KLHDC4: variants seen among roughly 807,000 people sequenced by gnomAD.
The protein encoded by KLHDC4 is kelch domain-containing protein 4.
In KLHDC4, 90 loss-of-function variants were observed where a neutral mutation model predicts 62.4. That is an observed-to-expected ratio of 1.44 (90% confidence interval 1.22 to 1.72). KLHDC4 has a LOEUF of 1.72. Ranked by LOEUF, KLHDC4 falls within the 40% of genes most tolerant of loss-of-function variation. The pLI, the probability that KLHDC4 is intolerant of heterozygous loss-of-function variation, is 0.00. For missense variants in KLHDC4, 1,025 were observed against 699.7 expected (o/e 1.47, Z -5.25); for synonymous variants, 386 against 284.4 (o/e 1.36, Z -3.59).
chr16:87,733,311 A>C (rs536715706), intron 5 of KLHDC4, among the ~76,000 whole-genome samples: 60 of 152,354 alleles, frequency 3.9e-4, no homozygotes, highest in Non-Finnish European at 7.3e-4. Context: ...GAGGAGCAAC[A>C]AAACAGACAG....
At chr16:87,721,354 C>T (rs952936581) in intron 7 of KLHDC4, among the ~76,000 whole-genome samples, 4 of 146,122 alleles carry the variant, frequency 2.7e-5, no homozygotes, top group African/African-American at 7.7e-5. Context: ...GTGGAGCTTG[C>T]AGTGCGCCGA....
intron 3 of KLHDC4, chr16:87,755,604 T>C (rs2044752105): frequency 4.0e-6 from 1 of 247,702 alleles, no homozygotes; most frequent in South Asian, 4.7e-5. Context: ...AGTCTCGCTG[T>C]TGCCCACAAT....
At chr16:87,699,285 G>C (rs966118842) in exon 1 of KLHDC4, 19 of 152,416 alleles carry the variant, frequency 1.2e-4, no homozygotes, top group African/African-American at 4.6e-4. Flanking sequence ...AACTGAAACA[G>C]TCTCTTTATC....
intron 4 of KLHDC4, among the ~76,000 whole-genome samples, chr16:87,749,856 A>G (rs2043645010): frequency 6.6e-6 from 1 of 152,138 alleles, no homozygotes; most frequent in Non-Finnish European, 1.5e-5. Flanking sequence ...GGGATTACAC[A>G]CACGAACCAC....
chr16:87,741,343 C>T (rs943677758), intron 5 of KLHDC4, among the ~76,000 whole-genome samples: 2 of 152,196 alleles, frequency 1.3e-5, no homozygotes, highest in Non-Finnish European at 2.9e-5. Context: ...GGAATCAGGT[C>T]GCACAGCAGG....
Position 87,726,779 on chromosome 16 carries a change from C to T in KLHDC4, c.745G>A (p.Gly249Ser), listed in dbSNP as rs1567714551. Reference protein sequence around the residue: ...TPQGGIVVYGGYSKQRVKKDV... With the variant: ...TPQGGIVVYGSYSKQRVKKDV... ...CCCCGCCTTACCTGTTTCGAGTAGC[C>T]CCCATAGACGACGATGCCGCCCTGG... The change falls in exon 7 of 12, where the codon GGC becomes AGC. Residue 249 changes from glycine (G) to serine (S), a missense_variant. Transcript: ENST00000270583. 2 of 1,593,082 alleles carry T rather than the reference C, an allele frequency of 1.3e-6. No homozygotes were observed. Among genetic ancestry groups the T allele is most frequent in the Non-Finnish European group, 1.7e-6 (2 of 1,171,896 alleles).
Position 87,748,738 on chromosome 16 carries a change from C to T in KLHDC4, c.441G>A (p.Glu147=). 6.2e-7 allele frequency: 1 copy of T among 1,613,550 alleles called. No homozygotes were observed. Among genetic ancestry groups the T allele is most frequent in the Non-Finnish European group, 8.5e-7 (1 of 1,179,912 alleles). ...AGAGATCCTTGTAGTGGTAGAACTG[C>T]TCTCCGTTGGGAGAGGCAAACTCCC... ...FGGEFASPNG[E]QFYHYKDLWV... is the part of the protein sequence containing the mutation. The change falls in exon 5 of 12, where the codon GAG becomes GAA. Residue 147 remains glutamate (E), a synonymous_variant. Coordinates refer to ENST00000270583, the MANE Select transcript of KLHDC4 (RefSeq NM_017566.4).
chr16:87,733,890 C>A (rs2040830689), intron 5 of KLHDC4, among the ~76,000 whole-genome samples: 1 of 152,270 alleles, frequency 6.6e-6, no homozygotes, highest in Non-Finnish European at 1.5e-5. Flanking sequence ...GTCACAGCAA[C>A]TCTGGGCTGC....
intron 6 of KLHDC4, among the ~76,000 whole-genome samples, chr16:87,727,561 C>A (rs1240189490): frequency 2.0e-5 from 3 of 152,186 alleles, no homozygotes; most frequent in East Asian, 1.9e-4. Context: ...GGCCCCGCAG[C>A]CTTGCCCTGC....
chr16:87,734,844 C>T (rs944610361), intron 5 of KLHDC4, among the ~76,000 whole-genome samples: 1 of 152,092 alleles, frequency 6.6e-6, no homozygotes, highest in Non-Finnish European at 1.5e-5. Context: ...CACCATCCAG[C>T]GGACACACTA....
intron 5 of KLHDC4, among the ~76,000 whole-genome samples, chr16:87,743,729 G>A (rs7205446): frequency 3.3e-5 from 5 of 151,722 alleles, no homozygotes; most frequent in Non-Finnish European, 5.9e-5. Flanking sequence ...GACAGAGCGC[G>A]ACACCGCCTC....
At chr16:87,706,238 C>T (rs866258983), downstream of KLHDC4, among the ~76,000 whole-genome samples, 250 of 49,962 alleles carry the variant, frequency 5.0e-3, no homozygotes, top group Non-Finnish European at 5.2e-3. Context: ...GGGGTCAGCG[C>T]AATGCAAACA....
intron 7 of KLHDC4, among the ~76,000 whole-genome samples, chr16:87,715,304 A>G (rs555665337): frequency 2.6e-5 from 4 of 152,298 alleles, no homozygotes; most frequent in African/African-American, 9.6e-5. Context: ...ATTTGCAGAA[A>G]ATTGAGACGA....
chr16:87,707,104 C>T (rs1275018664), downstream of KLHDC4, among the ~76,000 whole-genome samples: 1 of 152,218 alleles, frequency 6.6e-6, no homozygotes, highest in African/African-American at 2.4e-5. Flanking sequence ...AAAAACTGCA[C>T]CAGGTGTGGT....
intron 8 of KLHDC4, among the ~76,000 whole-genome samples, chr16:87,713,707 TAGA>T (rs769628905): frequency 6.6e-6 from 1 of 151,892 alleles, no homozygotes; most frequent in African/African-American, 2.4e-5. Context: ...GTGCCATGTG[TAGA>T]AGGTGGTGAG....
intron 8 of KLHDC4, 142 bp downstream of exon 8, chr16:87,714,356 A>AC: frequency 2.7e-6 from 1 of 370,108 alleles, no homozygotes; most frequent in Non-Finnish European, 4.7e-6. Context: ...CCCACCCCGA[A>AC]ATGAGCCATC....
intron 5 of KLHDC4, among the ~76,000 whole-genome samples, chr16:87,744,530 C>G (rs189074386): frequency 8.1e-4 from 123 of 150,992 alleles, no homozygotes; most frequent in Non-Finnish European, 1.4e-3. Flanking sequence ...TTGTAGTGAA[C>G]CAAGATTGTG....
rs202032438 is a variant in KLHDC4, at chr16:87,700,384, T to G, written c.*1255A>C. On this transcript the variant is annotated 3_prime_UTR_variant, in exon 1 of 1. Transcript: ENST00000446344. ...GCTTCAGGACATCATGATGCCGCCC[T>G]CCTGCAGTACCTTTAACCTCGCCCG... is the stretch of plus-strand genomic sequence containing the variant. 735 of 155,508 alleles carry G rather than the reference T, an allele frequency of 4.7e-3. 6 individuals are homozygous for G. The highest frequency in any genetic ancestry group is 0.038 in the South Asian group (188 of 5,012). The allele number at this position is 155,508 out of a possible 1,614,324, so 9.6% of individuals were successfully genotyped here.
intron 4 of KLHDC4, among the ~76,000 whole-genome samples, chr16:87,753,841 C>T (rs1389038318): frequency 3.3e-5 from 5 of 150,282 alleles, no homozygotes; most frequent in Non-Finnish European, 5.9e-5. Flanking sequence ...AGCGTGGTGG[C>T]GGGTACCTGT....
Sources: allele counts gnomAD v4.1 joint callset (sites outside exome capture counted in the v4.1 genomes callset), GRCh38; gene constraint gnomAD v4.1.1; transcripts MANE v1.5; gene names NCBI Gene and HGNC (gene_info 2026-07-23, HGNC 2026-07-21).